Variants in SNX18 observed in about 807,000 individuals in gnomAD.
SNX18 encodes the protein sorting nexin-18.
Under a neutral mutation model 48.7 loss-of-function variants are expected in SNX18, and 35 were observed. The observed-to-expected ratio is 0.72, with a 90% CI of 0.55 to 0.95. SNX18 has a LOEUF of 0.95. SNX18 is among the 40% of genes least tolerant of loss of function. The pLI is 0.00. For missense variants in SNX18, 824 were observed against 871.0 expected (o/e 0.95, Z 0.68); for synonymous variants, 492 against 384.7 (o/e 1.28, Z -3.26).
At chr5:54,643,668 A>G in the SNX18 span, 1 of 152,176 alleles carries the variant, frequency 6.6e-6, no homozygotes. Flanking sequence ...AACGGAAGGA[A>G]AACAAACAAC....
At chr5:54,550,407 C>T (rs374374053), downstream of SNX18, among the ~76,000 whole-genome samples, 12 of 151,750 alleles carry the variant, frequency 7.9e-5, no homozygotes, top group East Asian at 1.9e-3. Context: ...CTCAGCTATC[C>T]AAAGGATGAA....
the SNX18 span, among the ~76,000 whole-genome samples, chr5:54,626,369 C>T: frequency 6.6e-6 from 1 of 151,984 alleles, no homozygotes; most frequent in Non-Finnish European, 1.5e-5. Context: ...GTTGCCTAGG[C>T]CGGTCTCAAA....
the SNX18 span, among the ~76,000 whole-genome samples, chr5:54,625,958 T>C: frequency 6.6e-6 from 1 of 152,148 alleles, no homozygotes; most frequent in East Asian, 1.9e-4. Context: ...GAGGAAAATA[T>C]GACCAAAAGA....
At chr5:54,560,842 C>G in the SNX18 span, among the ~76,000 whole-genome samples, 1 of 152,160 alleles carries the variant, frequency 6.6e-6, no homozygotes, top group Admixed American at 6.5e-5. Flanking sequence ...TTGGAACCAT[C>G]AAGCAGATCC....
the SNX18 span, among the ~76,000 whole-genome samples, chr5:54,576,322 C>T: frequency 6.1e-3 from 924 of 152,294 alleles, 9 homozygotes; most frequent in African/African-American, 0.021. Flanking sequence ...TATACAACCA[C>T]AGTAATGAGA....
chr5:54,553,936 A>G, the SNX18 span, among the ~76,000 whole-genome samples: 1 of 152,212 alleles, frequency 6.6e-6, no homozygotes, highest in Non-Finnish European at 1.5e-5. Context: ...TGCAAACTGA[A>G]TCAGCAAACT....
chr5:54,560,439 CAT>C, the SNX18 span, among the ~76,000 whole-genome samples: 1 of 152,044 alleles, frequency 6.6e-6, no homozygotes, highest in Non-Finnish European at 1.5e-5. Context: ...CATACAGACA[CAT>C]AGAGGAGAAC....
the SNX18 span, among the ~76,000 whole-genome samples, chr5:54,637,518 G>A: frequency 6.6e-6 from 1 of 152,090 alleles, no homozygotes; most frequent in Non-Finnish European, 1.5e-5. Flanking sequence ...GTGGGGTGGG[G>A]TAGGCTAGGT....
chr5:54,568,851 T>C, the SNX18 span, among the ~76,000 whole-genome samples: 1 of 145,214 alleles, frequency 6.9e-6, no homozygotes, highest in African/African-American at 2.6e-5. Context: ...TTTTTTTTTT[T>C]TTTTTTTTTG....
chr5:54,582,634 A>AC, the SNX18 span, among the ~76,000 whole-genome samples: 2 of 151,980 alleles, frequency 1.3e-5, no homozygotes, highest in Non-Finnish European at 2.9e-5. Flanking sequence ...AACAACAACA[A>AC]AAAAAACATT....
the SNX18 span, among the ~76,000 whole-genome samples, chr5:54,633,533 A>G: frequency 1.2e-3 from 180 of 152,296 alleles, no homozygotes; most frequent in Non-Finnish European, 2.2e-3. Context: ...TAACAAGCTG[A>G]TATTAGTAGC....
At chr5:54,530,869 G>A (rs569412438) in intron 1 of SNX18, among the ~76,000 whole-genome samples, 38 of 147,752 alleles carry the variant, frequency 2.6e-4, no homozygotes, top group Non-Finnish European at 4.2e-4. Context: ...CTCCTGCCTC[G>A]GCCTCCTGAG....
At chr5:54,636,546 G>A in the SNX18 span, among the ~76,000 whole-genome samples, 1 of 152,074 alleles carries the variant, frequency 6.6e-6, no homozygotes, top group Non-Finnish European at 1.5e-5. Flanking sequence ...TCATGCCTGA[G>A]CCATGCTCAA....
At chr5:54,603,234 A>G in the SNX18 span, among the ~76,000 whole-genome samples, 1 of 18,208 alleles carries the variant, frequency 5.5e-5, no homozygotes, top group African/African-American at 3.7e-4. Context: ...ATTTAAAAAT[A>G]TATATATATA....
chr5:54,587,182 T>C, the SNX18 span, among the ~76,000 whole-genome samples: 1 of 152,162 alleles, frequency 6.6e-6, no homozygotes, highest in African/African-American at 2.4e-5. Context: ...TCCATTCAAG[T>C]CTTATTTTGA....
the SNX18 span, among the ~76,000 whole-genome samples, chr5:54,594,732 G>T: frequency 6.6e-6 from 1 of 152,074 alleles, no homozygotes; most frequent in African/African-American, 2.4e-5. Flanking sequence ...TAGATTCAGG[G>T]GTATTACGTG....
At chr5:54,610,273 G>A in the SNX18 span, among the ~76,000 whole-genome samples, 13,365 of 152,234 alleles carry the variant, frequency 0.088, 637 homozygotes, top group African/African-American at 0.12. Flanking sequence ...TGTCACATCT[G>A]TCAAGAGCTT....
chr5:54,631,970 G>A, the SNX18 span, among the ~76,000 whole-genome samples: 1 of 152,186 alleles, frequency 6.6e-6, no homozygotes, highest in African/African-American at 2.4e-5. Flanking sequence ...GGGACAAGGA[G>A]AACTGTACTC....
At chr5:54,526,276 T>C (rs1762130143) in intron 1 of SNX18, among the ~76,000 whole-genome samples, 1 of 152,144 alleles carries the variant, frequency 6.6e-6, no homozygotes, top group African/African-American at 2.4e-5. Context: ...GGCTAACTTT[T>C]TTATTTTTTT....
Sources: allele counts gnomAD v4.1 joint callset (sites outside exome capture counted in the v4.1 genomes callset), GRCh38; gene constraint gnomAD v4.1.1; transcripts MANE v1.5; gene names NCBI Gene and HGNC (gene_info 2026-07-23, HGNC 2026-07-21).